The following ADARB1 variants were observed in gnomAD, a reference collection of about 807,000 sequenced individuals.
The protein encoded by ADARB1 is double-stranded RNA-specific editase 1.
In ADARB1, 10 loss-of-function variants were observed where a neutral mutation model predicts 52.4. That is an observed-to-expected ratio of 0.19 (90% CI 0.12 to 0.32). The LOEUF (loss-of-function observed/expected upper bound fraction) is 0.32. ADARB1 is among the 10% of genes least tolerant of loss of function. The probability of loss-of-function intolerance (pLI) is 1.00; values close to 1 mark genes in which losing one functional copy is unlikely to be tolerated. For synonymous variants in ADARB1, 349 were observed against 371.1 expected, an observed-to-expected ratio of 0.94 and a Z score of 0.68; for missense variants, 643 against 922.3, an observed-to-expected ratio of 0.70 and a Z score of 3.92.
intron 2 of ADARB1, among the ~76,000 whole-genome samples, chr21:45,149,669 C>T (rs985303613): frequency 3.9e-5 from 6 of 152,170 alleles, no homozygotes; most frequent in Non-Finnish European, 7.4e-5. Context: ...GAATGAGTAA[C>T]AGGATCAAGA....
chr21:45,211,434 G>A (rs1304774748), intron 9 of ADARB1, among the ~76,000 whole-genome samples: 2 of 152,162 alleles, frequency 1.3e-5, no homozygotes, highest in Non-Finnish European at 2.9e-5. Flanking sequence ...GCCACTTTCA[G>A]TCGAGATTGT....
chr21:45,172,859 A>G lies in ADARB1; in HGVS notation c.28+1175A>G, dbSNP rs73232651. Reference sequence around the variant, plus strand: ...TTTTTTCAGGTTTTTATCCTCATCAATCCTGCTCTTGAGATCTTTTAAAAA... The same window carrying G: ...TTTTTTCAGGTTTTTATCCTCATCAGTCCTGCTCTTGAGATCTTTTAAAAA... On this transcript the variant is annotated intron_variant, in intron 3 of 10. Coordinates refer to ENST00000348831, the MANE Select transcript of ADARB1 (RefSeq NM_001112.4). This position sits in a 1 kb window ranked among gnomAD's most constrained non-coding sequence, Gnocchi z 4.4. Among the ~76,000 whole-genome samples, 1,310 of 152,156 alleles carry G rather than the reference A, an allele frequency of 8.6e-3. 7 individuals are homozygous for G. Among genetic ancestry groups the G allele is most frequent in the Middle Eastern group, 0.027 (8 of 294 alleles).
Position 45,175,857 on chromosome 21 carries a change from G to A in ADARB1, c.156G>A (p.Lys52=). ...GGGGTGGTGGTGGCCCCGGCAGAAA[G>A]CGGCCCCTGGAGGAGGGCAGCAATG... ...SNGGGGGPGR[K]RPLEEGSNGH... is the part of the protein sequence containing the mutation. Residue 52 remains lysine, a synonymous_variant, in exon 4 of 11, where the codon AAG becomes AAA. Coordinates refer to ENST00000348831, the MANE Select transcript of ADARB1 (RefSeq NM_001112.4). 6.2e-7 allele frequency: 1 copy of A among 1,613,880 alleles called. No individual in the cohort carries two copies. Among genetic ancestry groups the A allele is most frequent in the South Asian group, 1.1e-5 (1 of 91,030 alleles).
rs140820133 is a variant in ADARB1, at chr21:45,186,564, C to T, written c.1565+1473C>T. On this transcript the variant is annotated intron_variant, in intron 8 of 10. Coordinates refer to ENST00000348831, the MANE Select transcript of ADARB1 (RefSeq NM_001112.4). ...GTTAGCTTCTCCCACATTCTGTAAA[C>T]TGATATCTTCATAGTTTCAATTTTT... is the stretch of plus-strand genomic sequence containing the variant. Among the ~76,000 whole-genome samples, 635 of 152,356 alleles carry T rather than the reference C, an allele frequency of 4.2e-3. 7 individuals are homozygous for T. The highest frequency in any genetic ancestry group is 0.015 in the African/African-American group (610 of 41,580).
At chr21:45,139,121 G>C (rs1251031332) in intron 2 of ADARB1, among the ~76,000 whole-genome samples, 3 of 151,998 alleles carry the variant, frequency 2.0e-5, no homozygotes, top group African/African-American at 7.3e-5. Flanking sequence ...GGGTTTTGCT[G>C]TGTTGCCCAG....
chr21:45,113,954 T>C (rs1225767283), intron 1 of ADARB1, among the ~76,000 whole-genome samples: 1 of 152,238 alleles, frequency 6.6e-6, no homozygotes, highest in Non-Finnish European at 1.5e-5. Context: ...GTTAAAAATA[T>C]GTTTGAGCAC....
At chr21:45,175,523 A>G (rs2091655851) in intron 3 of ADARB1, among the ~76,000 whole-genome samples, 2 of 152,240 alleles carry the variant, frequency 1.3e-5, no homozygotes, top group South Asian at 4.1e-4. Flanking sequence ...GGTATTAGTC[A>G]CTAAGCAAAG....
At chr21:45,150,380 A>T (rs566156189) in intron 2 of ADARB1, among the ~76,000 whole-genome samples, 1 of 152,346 alleles carries the variant, frequency 6.6e-6, no homozygotes, top group African/African-American at 2.4e-5. Context: ...AAAAATTATA[A>T]TTTTTTGTGT....
chr21:45,119,265 AT>A (rs2088011507), intron 1 of ADARB1, among the ~76,000 whole-genome samples: 1 of 152,130 alleles, frequency 6.6e-6, no homozygotes, highest in South Asian at 2.1e-4. Context: ...TAATTTTTAA[AT>A]TTTTTGTAGA....
chr21:45,204,655 C>T lies in ADARB1; in HGVS notation c.1666C>T (p.Leu556Phe). ...ILGSLYHGDH[L>F]SRAMYQRISN... ...GGGCAGCCTTTACCACGGGGACCAC[C>T]TTTCCAGGGCCATGTACCAGCGGAT... The change falls in exon 9 of 11, where the codon CTT (leucine) becomes TTT (phenylalanine). Residue 556 changes from leucine (L) to phenylalanine (F), a missense_variant. Physicochemically the swap from Leu to Phe is conservative, Grantham distance 22. Transcript: ENST00000348831. This position sits in a 1 kb window ranked among gnomAD's most constrained non-coding sequence, Gnocchi z 4.4. The T allele has an allele frequency of 6.2e-7, 1 of 1,614,196 alleles. No homozygotes were observed. The highest frequency in any genetic ancestry group is 8.5e-7 in the Non-Finnish European group (1 of 1,180,040).
At chr21:45,211,782 G>A (rs914225364) in intron 9 of ADARB1, among the ~76,000 whole-genome samples, 11 of 152,148 alleles carry the variant, frequency 7.2e-5, no homozygotes, top group Admixed American at 2.6e-4. Context: ...TTTCTGTACC[G>A]CGGCCTGGGA....
chr21:45,141,333 A>G (rs772301401), intron 2 of ADARB1, among the ~76,000 whole-genome samples: 8 of 152,222 alleles, frequency 5.3e-5, no homozygotes, highest in Non-Finnish European at 7.3e-5. Flanking sequence ...CATGATCTAA[A>G]TATGTAGTAG....
intron 2 of ADARB1, among the ~76,000 whole-genome samples, chr21:45,158,553 T>TGTGGCTCTTGGG (rs971117945): frequency 9.9e-5 from 15 of 152,198 alleles, no homozygotes; most frequent in African/African-American, 3.4e-4. Flanking sequence ...GACATCATTT[T>TGTGGCTCTTGGG]GTGGCTCTTG....
intron 8 of ADARB1, among the ~76,000 whole-genome samples, chr21:45,187,441 A>G (rs1006541803): frequency 2.6e-5 from 4 of 152,210 alleles, no homozygotes; most frequent in Non-Finnish European, 4.4e-5. Context: ...ATATAAAATT[A>G]TGTCATCTGC....
intron 1 of ADARB1, among the ~76,000 whole-genome samples, chr21:45,092,010 T>C (rs1051625995): frequency 6.6e-6 from 1 of 152,244 alleles, no homozygotes; most frequent in Admixed American, 6.5e-5. Context: ...TGGAACAATT[T>C]AAAAGACCCT....
intron 9 of ADARB1, among the ~76,000 whole-genome samples, chr21:45,218,527 C>T (rs1235662704): frequency 2.6e-5 from 4 of 152,198 alleles, no homozygotes; most frequent in East Asian, 1.9e-4. Flanking sequence ...TATTCAAGGA[C>T]ACCCTCTGCG....
At chr21:45,163,995 G>T (rs1485272410) in intron 2 of ADARB1, among the ~76,000 whole-genome samples, 1 of 152,198 alleles carries the variant, frequency 6.6e-6, no homozygotes, top group Non-Finnish European at 1.5e-5. Flanking sequence ...GTGAGAACTA[G>T]TGTACATTTG....
chr21:45,086,952 T>A (rs2086369598), intron 1 of ADARB1, among the ~76,000 whole-genome samples: 1 of 152,218 alleles, frequency 6.6e-6, no homozygotes, highest in African/African-American at 2.4e-5. Context: ...GCATTGTGCT[T>A]CTTGAATTGT....
At chr21:45,210,494 T>A (rs1238793709) in intron 9 of ADARB1, among the ~76,000 whole-genome samples, 1 of 152,204 alleles carries the variant, frequency 6.6e-6, no homozygotes, top group African/African-American at 2.4e-5. Context: ...TGAAGGTTTT[T>A]AAAAATAATA....
Sources: allele counts gnomAD v4.1 joint callset (sites outside exome capture counted in the v4.1 genomes callset), GRCh38; gene constraint gnomAD v4.1.1; non-coding constraint Gnocchi (gnomAD v3.1); transcripts MANE v1.5; gene names NCBI Gene and HGNC (gene_info 2026-07-23, HGNC 2026-07-21).